The following RARB variants were observed in gnomAD, a reference collection of about 807,000 sequenced individuals.
The protein encoded by RARB is retinoic acid receptor beta.
A neutral mutation model predicts 51.9 loss-of-function variants in RARB; 17 were observed. That is an observed-to-expected ratio of 0.33 (90% confidence interval 0.22 to 0.49). The LOEUF (loss-of-function observed/expected upper bound fraction) is 0.49. Ranked by LOEUF, RARB falls within the 20% of genes least tolerant of loss-of-function variation. The pLI is 0.99. For missense variants in RARB, 369 were observed against 550.8 expected (o/e 0.67, Z 3.30); for synonymous variants, 215 against 195.4 (o/e 1.10, Z -0.84).
intron 3 of RARB, among the ~76,000 whole-genome samples, chr3:25,545,108 A>G (rs1699565733): frequency 6.6e-6 from 1 of 151,868 alleles, no homozygotes; most frequent in South Asian, 2.1e-4. Context: ...ACACCCAGCT[A>G]ATGTTTGTAT....
At chr3:25,154,798 T>A (rs1209938095) in intron 4 of RARB, among the ~76,000 whole-genome samples, 1 of 152,234 alleles carries the variant, frequency 6.6e-6, no homozygotes, top group Non-Finnish European at 1.5e-5. Context: ...CAGTCCTTTG[T>A]TGGCTAGGTG....
At chr3:25,064,220 C>A (rs1450480738) in intron 3 of RARB, among the ~76,000 whole-genome samples, 2 of 151,988 alleles carry the variant, frequency 1.3e-5, no homozygotes, top group Non-Finnish European at 2.9e-5. Flanking sequence ...GCCATCTCAA[C>A]AAAATAGTAA....
intron 2 of RARB, among the ~76,000 whole-genome samples, chr3:25,479,605 G>A (rs1696129727): frequency 6.6e-6 from 1 of 152,196 alleles, no homozygotes; most frequent in African/African-American, 2.4e-5. Context: ...AAGAATGATG[G>A]AAGTGTTTTT....
At chr3:25,497,624 G>C (rs75165170) in intron 2 of RARB, among the ~76,000 whole-genome samples, 1 of 152,134 alleles carries the variant, frequency 6.6e-6, no homozygotes, top group Non-Finnish European at 1.5e-5. Flanking sequence ...CTTAGTCCCA[G>C]ATGGTTGTGA....
intron 1 of RARB, among the ~76,000 whole-genome samples, chr3:25,445,596 G>T (rs1708894922): frequency 6.6e-6 from 1 of 152,116 alleles, no homozygotes. Flanking sequence ...GAGCCCAGGA[G>T]GCAGGGGTTG....
intron 2 of RARB, among the ~76,000 whole-genome samples, chr3:24,912,990 T>TTTTTTTTTTTTTTTTTTTC (rs1695025580): frequency 7.9e-6 from 1 of 126,210 alleles, no homozygotes; most frequent in African/African-American, 2.8e-5. Flanking sequence ...TTTTTTTTTT[T>TTTTTTTTTTTTTTTTTTTC]TTTTTTTGGA....
intron 2 of RARB, among the ~76,000 whole-genome samples, chr3:25,013,761 A>G (rs547440307): frequency 1.2e-4 from 19 of 152,168 alleles, no homozygotes; most frequent in African/African-American, 4.3e-4. Context: ...GGTCTCCCAC[A>G]CCGGGCTTCA....
At chr3:24,864,063 T>C (rs1322195481) in intron 2 of RARB, among the ~76,000 whole-genome samples, 2 of 152,218 alleles carry the variant, frequency 1.3e-5, no homozygotes, top group African/African-American at 2.4e-5. Flanking sequence ...CTTAGAAATG[T>C]AGACAAGTTT....
chr3:25,373,702 C>T (rs1416028979), intron 5 of RARB, among the ~76,000 whole-genome samples: 4 of 152,104 alleles, frequency 2.6e-5, no homozygotes, highest in Admixed American at 2.6e-4. Flanking sequence ...GCTGTAAACT[C>T]CCCTCTACTA....
chr3:24,911,600 T>A (rs904584540), intron 2 of RARB, among the ~76,000 whole-genome samples: 8 of 152,300 alleles, frequency 5.3e-5, no homozygotes, highest in South Asian at 2.1e-4. Flanking sequence ...CACTGAAAAA[T>A]TTGAATAAAC....
chr3:25,245,975 C>G (rs13090740), intron 5 of RARB, among the ~76,000 whole-genome samples: 16,070 of 152,050 alleles, frequency 0.11, 1,011 homozygotes, highest in South Asian at 0.26. Context: ...TGGGTTTGGT[C>G]TTTTCACAAA....
In RARB at chr3:25,141,261, G is replaced by C. The variant is rs147985100; in HGVS notation, c.-280+9053G>C. On this transcript the variant is annotated intron_variant, in intron 4 of 11. Transcript: ENST00000383772. Reference sequence around the variant, plus strand: ...ATTTGCCTGTCCTTGCATGACTTTTGACACTGACAAACATACATTCTACCA... The same window carrying C: ...ATTTGCCTGTCCTTGCATGACTTTTCACACTGACAAACATACATTCTACCA... Among the ~76,000 whole-genome samples, 513 of 151,900 alleles carry C rather than the reference G, an allele frequency of 3.4e-3. 8 individuals carry two copies. The highest frequency in any genetic ancestry group is 3.4e-4 in the Non-Finnish European group (23 of 67,970).
intron 5 of RARB, among the ~76,000 whole-genome samples, chr3:25,359,150 A>G (rs1456850254): frequency 6.6e-6 from 1 of 152,108 alleles, no homozygotes; most frequent in East Asian, 1.9e-4. Flanking sequence ...TACTGCCTCA[A>G]TTTCAGAACT....
At chr3:25,500,419 C>G (rs1470385126) in intron 2 of RARB, among the ~76,000 whole-genome samples, 1 of 142,002 alleles carries the variant, frequency 7.0e-6, no homozygotes, top group Non-Finnish European at 1.5e-5. Flanking sequence ...CTAACTCTTG[C>G]ATTAGGCAAA....
chr3:25,217,500 C>G (rs1286038526), intron 5 of RARB, among the ~76,000 whole-genome samples: 2 of 152,028 alleles, frequency 1.3e-5, no homozygotes, highest in African/African-American at 2.4e-5. Context: ...ACTCCCACCC[C>G]CCCCAATTCT....
intron 3 of RARB, among the ~76,000 whole-genome samples, chr3:25,099,380 T>C (rs1464906825): frequency 6.6e-6 from 1 of 152,110 alleles, no homozygotes; most frequent in African/African-American, 2.4e-5. Flanking sequence ...AGATAAGCTT[T>C]CAAAGGAAAA....
intron 5 of RARB, among the ~76,000 whole-genome samples, chr3:25,341,626 C>T (rs1434941158): frequency 6.6e-6 from 1 of 152,084 alleles, no homozygotes; most frequent in African/African-American, 2.4e-5. Flanking sequence ...ATCAGTAGTT[C>T]TCAACTGGGG....
rs548134142 is a variant in RARB, at chr3:25,579,504, G to A, written c.610-1042G>A. Among the ~76,000 whole-genome samples, 9 of 152,304 alleles carry A rather than the reference G, an allele frequency of 5.9e-5. No homozygotes were observed. The South Asian group carries it at 8.3e-4, about 14-fold the overall frequency. On this transcript the variant is annotated intron_variant, in intron 4 of 7. Coordinates refer to ENST00000330688, the MANE Select transcript of RARB (RefSeq NM_000965.5). ...ATGTCTGCCTTCTTTGGTTTAGCAT[G>A]CTTCCAAGGTTTATCCATGTTGTAG... is the stretch of plus-strand genomic sequence containing the variant.
At chr3:25,178,325 A>C (rs1700796533) in intron 5 of RARB, among the ~76,000 whole-genome samples, 2 of 152,100 alleles carry the variant, frequency 1.3e-5, no homozygotes, top group African/African-American at 2.4e-5. Context: ...AAAATATGTA[A>C]TTAGAAAAAC....
Sources: allele counts gnomAD v4.1 joint callset (sites outside exome capture counted in the v4.1 genomes callset), GRCh38; gene constraint gnomAD v4.1.1; transcripts MANE v1.5; gene names NCBI Gene and HGNC (gene_info 2026-07-23, HGNC 2026-07-21).